Variants in SMYD3 observed in about 807,000 individuals in gnomAD.
SMYD3 encodes the protein histone-lysine N-methyltransferase SMYD3.
SMYD3 carries 36 observed loss-of-function variants against 57.7 expected under a neutral mutation model. The ratio of observed to expected loss-of-function variants is 0.62; its 90% CI spans 0.48 to 0.82. The LOEUF is 0.82. SMYD3 is among the 40% of genes least tolerant of loss of function. The probability of loss-of-function intolerance (pLI) is 0.00; values close to 1 mark genes in which losing one functional copy is unlikely to be tolerated. For synonymous variants in SMYD3, 211 were observed against 195.0 expected, an observed-to-expected ratio of 1.08 and a Z score of -0.68; for missense variants, 515 against 538.8, an observed-to-expected ratio of 0.96 and a Z score of 0.44.
intron 5 of SMYD3, among the ~76,000 whole-genome samples, chr1:246,298,113 T>A (rs1271114820): frequency 6.6e-6 from 1 of 152,076 alleles, no homozygotes; most frequent in African/African-American, 2.4e-5. Context: ...CTTTTTCCTT[T>A]GTCTATATAA....
At chr1:245,979,198 A>T (rs571904591) in intron 5 of SMYD3, among the ~76,000 whole-genome samples, 73 of 152,288 alleles carry the variant, frequency 4.8e-4, no homozygotes, top group African/African-American at 1.8e-3. Flanking sequence ...ATGCCCAAGG[A>T]GGGCAATGGC....
chr1:246,469,630 C>G (rs1021655375), intron 1 of SMYD3, among the ~76,000 whole-genome samples: 1 of 151,920 alleles, frequency 6.6e-6, no homozygotes, highest in East Asian at 1.9e-4. Context: ...ACCCATGAGT[C>G]CATACTAATA....
intron 10 of SMYD3, among the ~76,000 whole-genome samples, chr1:245,805,983 A>G (rs1030532397): frequency 3.3e-5 from 5 of 152,204 alleles, no homozygotes; most frequent in African/African-American, 4.8e-5. Context: ...CTTCTTTCCT[A>G]CCCCATCATC....
At chr1:246,218,178 C>A (rs1247584850) in intron 5 of SMYD3, among the ~76,000 whole-genome samples, 1 of 151,032 alleles carries the variant, frequency 6.6e-6, no homozygotes, top group Non-Finnish European at 1.5e-5. Flanking sequence ...TAAAAACATA[C>A]CAAATTATAA....
Position 246,355,353 on chromosome 1 carries a change from C to T in SMYD3, c.165-259G>A, listed in dbSNP as rs956800051. On this transcript the variant is annotated intron_variant, in intron 1 of 11. Coordinates refer to ENST00000490107, the MANE Select transcript of SMYD3 (RefSeq NM_001167740.2). The surrounding 1 kb of genome is among the most constrained non-coding windows in gnomAD (Gnocchi z 5.0). ...GCAGGACCAGCTTGCAGCTCCCGAT[C>T]GGACAGACAGAGCAGCGTGTGGGGA... 7 of 460,004 alleles carry T rather than the reference C, an allele frequency of 1.5e-5. No homozygotes were observed. Among genetic ancestry groups the T allele is most frequent in the Non-Finnish European group, 2.4e-5 (6 of 254,386 alleles). 28.5% of individuals were successfully genotyped at this position (460,004 alleles called of 1,614,324 possible). A position where few individuals can be genotyped will look rare whatever the true frequency, so the allele number is the denominator to read the frequency against.
chr1:246,071,443 G>T (rs1457778331), intron 5 of SMYD3, among the ~76,000 whole-genome samples: 2 of 152,082 alleles, frequency 1.3e-5, no homozygotes, highest in African/African-American at 2.4e-5. Context: ...CATTATTTGT[G>T]CAATTAAAAT....
intron 1 of SMYD3, among the ~76,000 whole-genome samples, chr1:246,407,195 C>T (rs1231558495): frequency 3.3e-5 from 5 of 152,180 alleles, no homozygotes. Flanking sequence ...CCACTTTAGA[C>T]AATTTAGGTC....
At chr1:246,158,065 CTA>C (rs1224842752) in intron 5 of SMYD3, among the ~76,000 whole-genome samples, 1 of 152,186 alleles carries the variant, frequency 6.6e-6, no homozygotes, top group Non-Finnish European at 1.5e-5. Context: ...CCAGGGAGCA[CTA>C]GCTGGGGAAG....
At chr1:245,828,677 T>A (rs76114985) in intron 10 of SMYD3, among the ~76,000 whole-genome samples, 2,902 of 151,600 alleles carry the variant, frequency 0.019, 95 homozygotes, top group African/African-American at 0.067. Context: ...AGGCTTCTGA[T>A]ACATATTAGG....
intron 1 of SMYD3, among the ~76,000 whole-genome samples, chr1:246,360,468 A>C (rs1052116217): frequency 6.6e-6 from 1 of 152,164 alleles, no homozygotes; most frequent in Admixed American, 6.5e-5. Flanking sequence ...TAAAATTCAT[A>C]CGGAACCAAA....
intron 10 of SMYD3, among the ~76,000 whole-genome samples, chr1:245,805,313 G>A (rs1483145145): frequency 6.6e-6 from 1 of 152,138 alleles, no homozygotes; most frequent in Non-Finnish European, 1.5e-5. Flanking sequence ...CTGGATGTCA[G>A]GTATACTGTG....
At chr1:246,258,431 T>C (rs1258074616) in intron 5 of SMYD3, among the ~76,000 whole-genome samples, 1 of 152,190 alleles carries the variant, frequency 6.6e-6, no homozygotes, top group Non-Finnish European at 1.5e-5. Flanking sequence ...ATTCCCTTAG[T>C]GCTTGCTTGT....
intron 10 of SMYD3, among the ~76,000 whole-genome samples, chr1:245,847,728 G>A (rs1417420393): frequency 6.6e-6 from 1 of 152,126 alleles, no homozygotes; most frequent in African/African-American, 2.4e-5. Flanking sequence ...GTATCCTGCT[G>A]CTTAGAGTAC....
chr1:246,373,893 AATTAAAGGCT>A (rs1267761192), intron 1 of SMYD3, among the ~76,000 whole-genome samples: 1 of 152,220 alleles, frequency 6.6e-6, no homozygotes, highest in African/African-American at 2.4e-5. Context: ...ATATGACAGA[AATTAAAGGCT>A]ATTCCACAAA....
chr1:246,220,932 C>G (rs2063244355), intron 5 of SMYD3, among the ~76,000 whole-genome samples: 3 of 151,946 alleles, frequency 2.0e-5, no homozygotes, highest in Admixed American at 2.0e-4. Context: ...AGAGATGGTA[C>G]TACCAGCTGC....
chr1:245,844,807 C>T (rs1361127632), intron 10 of SMYD3, among the ~76,000 whole-genome samples: 1 of 152,170 alleles, frequency 6.6e-6, no homozygotes, highest in African/African-American at 2.4e-5. Flanking sequence ...ACCAGGGAAA[C>T]ATGACTTTTC....
At chr1:246,478,649 C>A (rs56280002) in intron 1 of SMYD3, among the ~76,000 whole-genome samples, 1 of 109,672 alleles carries the variant, frequency 9.1e-6, no homozygotes, top group African/African-American at 4.5e-5. Context: ...ATCTGTCCTC[C>A]GTCCTGGAGC....
intron 2 of SMYD3, among the ~76,000 whole-genome samples, chr1:246,338,122 A>G (rs556683340): frequency 2.6e-5 from 4 of 152,342 alleles, no homozygotes; most frequent in African/African-American, 7.2e-5. Flanking sequence ...TTAGGCATAA[A>G]TAGAGAAAGC....
chr1:245,914,829 A>T (rs1404778478), intron 8 of SMYD3, among the ~76,000 whole-genome samples: 1 of 151,640 alleles, frequency 6.6e-6, no homozygotes. Flanking sequence ...CATAGTATAC[A>T]CATAATTAAG....
Sources: allele counts gnomAD v4.1 joint callset (sites outside exome capture counted in the v4.1 genomes callset), GRCh38; gene constraint gnomAD v4.1.1; non-coding constraint Gnocchi (gnomAD v3.1); transcripts MANE v1.5; gene names NCBI Gene and HGNC (gene_info 2026-07-23, HGNC 2026-07-21).